CNBD1: variants seen among roughly 807,000 people sequenced by gnomAD.
CNBD1 encodes cyclic nucleotide-binding domain-containing protein 1.
In CNBD1, 71 loss-of-function variants were observed where a neutral mutation model predicts 54.4. The ratio of observed to expected loss-of-function variants is 1.30; its 90% CI spans 1.08 to 1.59. The LOEUF (loss-of-function observed/expected upper bound fraction) is 1.59. CNBD1 is among the 40% of genes most tolerant of loss of function. The pLI, the probability that CNBD1 is intolerant of heterozygous loss-of-function variation, is 0.00. For synonymous variants in CNBD1, 182 were observed against 170.7 expected, an observed-to-expected ratio of 1.07 and a Z score of -0.51; for missense variants, 659 against 518.0, an observed-to-expected ratio of 1.27 and a Z score of -2.64.
intron 4 of CNBD1, among the ~76,000 whole-genome samples, chr8:87,096,753 A>G (rs911091262): frequency 1.3e-5 from 2 of 152,028 alleles, no homozygotes; most frequent in African/African-American, 2.4e-5. Context: ...AAAAGCTCAC[A>G]GAACAGAGAT....
chr8:87,186,387 A>G (rs1033323586), intron 4 of CNBD1, among the ~76,000 whole-genome samples: 2 of 152,062 alleles, frequency 1.3e-5, no homozygotes, highest in Admixed American at 1.3e-4. Flanking sequence ...CAATCTAATC[A>G]AGCACCAAAA....
intron 4 of CNBD1, among the ~76,000 whole-genome samples, chr8:86,988,899 C>T (rs987952323): frequency 1.5e-4 from 23 of 152,128 alleles, no homozygotes; most frequent in Admixed American, 1.5e-3. Context: ...CCAGGTATCA[C>T]ATTTTCTTTA....
In CNBD1 at chr8:86,905,091, A is replaced by G; in HGVS notation, c.169A>G (p.Ser57Gly). The change falls in exon 3 of 11, where the codon AGC becomes GGC. Residue 57 changes from serine (S) to glycine (G), a missense_variant. Coordinates refer to ENST00000518476, the MANE Select transcript of CNBD1 (RefSeq NM_173538.3). ...HIRGQHSRSM[S>G]NILSAHDTFM... is the part of the protein sequence containing the mutation. ...TCTCTTCTTTTTAAGCCGGAGTATG[A>G]GCAATATCTTATCAGCTCACGATAC... 2 of 1,603,514 alleles carry G rather than the reference A, an allele frequency of 1.2e-6. No homozygotes were observed. The highest frequency in any genetic ancestry group is 1.7e-6 in the Non-Finnish European group (2 of 1,171,916).
chr8:86,877,279 T>C (rs1208898147), intron 1 of CNBD1, among the ~76,000 whole-genome samples: 1 of 152,206 alleles, frequency 6.6e-6, no homozygotes, highest in Non-Finnish European at 1.5e-5. Context: ...TCCATTATAA[T>C]CTATGAATAA....
At chr8:86,994,483 A>G (rs1476654864) in intron 4 of CNBD1, among the ~76,000 whole-genome samples, 1 of 152,220 alleles carries the variant, frequency 6.6e-6, no homozygotes, top group African/African-American at 2.4e-5. Context: ...TAGGGTGCCT[A>G]TGGGCACAAA....
intron 4 of CNBD1, among the ~76,000 whole-genome samples, chr8:87,069,438 T>C (rs1344832115): frequency 1.3e-5 from 2 of 152,092 alleles, no homozygotes. Flanking sequence ...CACAAATACT[T>C]ACCATTACAT....
chr8:86,915,942 A>G (rs1809177686), intron 3 of CNBD1, among the ~76,000 whole-genome samples: 1 of 152,180 alleles, frequency 6.6e-6, no homozygotes, highest in Non-Finnish European at 1.5e-5. Context: ...GATGTTACAG[A>G]TACTGTAGGG....
At chr8:87,268,350 C>A (rs970354775) in intron 6 of CNBD1, among the ~76,000 whole-genome samples, 8 of 152,068 alleles carry the variant, frequency 5.3e-5, no homozygotes, top group Admixed American at 2.6e-4. Context: ...ATCCAGTCCA[C>A]CATGATGGGC....
intron 6 of CNBD1, among the ~76,000 whole-genome samples, chr8:87,283,650 G>A (rs1808638403): frequency 6.6e-6 from 1 of 152,030 alleles, no homozygotes; most frequent in Non-Finnish European, 1.5e-5. Context: ...TGGCTAGATA[G>A]CCAGCTTCTA....
intron 4 of CNBD1, among the ~76,000 whole-genome samples, chr8:87,068,712 T>A (rs1461904009): frequency 4.6e-5 from 7 of 152,064 alleles, no homozygotes; most frequent in Non-Finnish European, 2.9e-5. Context: ...TAGAGCATTA[T>A]TAAAGTACAT....
chr8:87,369,485 C>G (rs966174120), intron 10 of CNBD1, among the ~76,000 whole-genome samples: 1 of 152,094 alleles, frequency 6.6e-6, no homozygotes, highest in Non-Finnish European at 1.5e-5. Context: ...TCTCATACAG[C>G]AAATCTGCAG....
In CNBD1 at chr8:87,284,728, A is replaced by G. The variant is rs752711043; in HGVS notation, c.822A>G (p.Glu274=). Residue 274 remains glutamate (E), a synonymous_variant, in exon 7 of 11, where the codon GAA becomes GAG. Transcript: ENST00000518476. ...FGTLEVMPQN[E]SETQMFSVVT... is the part of the protein sequence containing the mutation. Reference sequence around the variant, plus strand: ...CTCTGGAAGTTATGCCTCAGAATGAATCGGAAACACAGATGTTCTCGGTGG... The same window carrying G: ...CTCTGGAAGTTATGCCTCAGAATGAGTCGGAAACACAGATGTTCTCGGTGG... The G allele has an allele frequency of 1.9e-6, 3 of 1,606,082 alleles. No homozygotes were observed. The highest frequency in any genetic ancestry group is 2.2e-5 in the East Asian group (1 of 44,672).
intron 6 of CNBD1, among the ~76,000 whole-genome samples, chr8:87,270,510 G>T (rs1182791081): frequency 1.3e-5 from 2 of 151,810 alleles, no homozygotes. Context: ...ATACATTTTT[G>T]GTTGGGAGTG....
At chr8:87,256,944 G>A (rs1586368592) in intron 6 of CNBD1, among the ~76,000 whole-genome samples, 1 of 152,124 alleles carries the variant, frequency 6.6e-6, no homozygotes, top group Non-Finnish European at 1.5e-5. Flanking sequence ...AGATTGTGAA[G>A]GGGTTGTCCT....
downstream of CNBD1, among the ~76,000 whole-genome samples, chr8:87,386,691 T>C (rs1025346327): frequency 6.6e-6 from 1 of 152,190 alleles, no homozygotes; most frequent in African/African-American, 2.4e-5. Context: ...CTGCAGGATA[T>C]TAACCAGGAG....
At chr8:87,364,765 T>A (rs1810606574) in intron 10 of CNBD1, among the ~76,000 whole-genome samples, 1 of 152,080 alleles carries the variant, frequency 6.6e-6, no homozygotes, top group Non-Finnish European at 1.5e-5. Flanking sequence ...GTTCCTGCAT[T>A]AATTTATAAG....
At position 87,166,953 on chromosome 8, in the gene CNBD1, AT is replaced by A. The variant is rs1812975900; in HGVS notation, c.432-39038del. On this transcript the variant is annotated intron_variant, in intron 4 of 10. Transcript: ENST00000518476. The surrounding 1 kb of genome is among the most constrained non-coding windows in gnomAD (Gnocchi z 4.3). ...GTCATTTTGAACAGTTCTCAAAGTT[AT>A]TGCTGAAGCTTAACCAAAATGAATG... is the stretch of plus-strand genomic sequence containing the variant. Among the ~76,000 whole-genome samples the A allele has an allele frequency of 6.6e-6, 1 of 151,994 alleles. No homozygotes were observed. The highest frequency in any genetic ancestry group is 1.5e-5 in the Non-Finnish European group (1 of 67,950).
At chr8:87,037,281 C>A (rs1283496427) in intron 4 of CNBD1, among the ~76,000 whole-genome samples, 4 of 151,872 alleles carry the variant, frequency 2.6e-5, no homozygotes, top group Non-Finnish European at 4.4e-5. Context: ...GATTTTTTTT[C>A]TAGAGTTCTG....
At chr8:87,418,038 G>A (rs1160391714) in intron 2 of CNBD1, among the ~76,000 whole-genome samples, 2 of 151,778 alleles carry the variant, frequency 1.3e-5, no homozygotes, top group East Asian at 1.9e-4. Flanking sequence ...CGTTTTTGCA[G>A]AAATTGATAA....
Sources: gnomAD v4.1 joint callset for allele counts (sites outside exome capture counted in the v4.1 genomes callset) on GRCh38, gnomAD v4.1.1 for gene constraint, Gnocchi (gnomAD v3.1) non-coding constraint, MANE v1.5 for transcripts, NCBI Gene and HGNC (gene_info 2026-07-23, HGNC 2026-07-21) for gene names.